The following ADAMTSL1 variants were observed in gnomAD, a reference collection of about 807,000 sequenced individuals.
The protein encoded by ADAMTSL1 is ADAMTS like 1, also known as ADAMTS-like protein 1.
Under a neutral mutation model 201.8 loss-of-function variants are expected in ADAMTSL1, and 126 were observed. The ratio of observed to expected loss-of-function variants is 0.62; its 90% CI spans 0.54 to 0.72. The LOEUF is 0.72. Ranked by LOEUF, ADAMTSL1 falls within the 30% of genes least tolerant of loss-of-function variation. The pLI, the probability that ADAMTSL1 is intolerant of heterozygous loss-of-function variation, is 0.00. For synonymous variants in ADAMTSL1, 1,121 were observed against 903.4 expected (o/e 1.24, Z -4.32); for missense variants, 2,679 against 2,277.8 (o/e 1.18, Z -3.59).
intron 3 of ADAMTSL1, among the ~76,000 whole-genome samples, chr9:18,543,150 A>T (rs1460868926): frequency 6.6e-6 from 1 of 152,260 alleles, no homozygotes; most frequent in Non-Finnish European, 1.5e-5. Flanking sequence ...GGGACAAATC[A>T]GTATCCACCA....
chr9:17,957,945 A>G (rs1827993892), intron 1 of ADAMTSL1, among the ~76,000 whole-genome samples: 1 of 152,192 alleles, frequency 6.6e-6, no homozygotes, highest in African/African-American at 2.4e-5. Context: ...TCTAGCCTCC[A>G]TGACTGGGAG....
intron 1 of ADAMTSL1, among the ~76,000 whole-genome samples, chr9:17,948,853 G>T (rs537552851): frequency 5.3e-5 from 8 of 152,302 alleles, no homozygotes; most frequent in African/African-American, 1.7e-4. Flanking sequence ...AACCAAGACT[G>T]TTTCTACCAG....
chr9:18,417,382 G>GAAAAAAAAAAAAAAAAAAAA (rs750731863), intron 2 of ADAMTSL1, among the ~76,000 whole-genome samples: 1 of 108,850 alleles, frequency 9.2e-6, no homozygotes, highest in African/African-American at 3.4e-5. Flanking sequence ...AAAAAAAAAA[G>GAAAAAAAAAAAAAAAAAAAA]AAAAAAAAAA....
intron 2 of ADAMTSL1, among the ~76,000 whole-genome samples, chr9:18,266,389 G>A (rs560932793): frequency 3.3e-5 from 5 of 152,106 alleles, no homozygotes; most frequent in East Asian, 1.9e-4. Flanking sequence ...TGAGTCAGTC[G>A]GCCAAGAGAA....
intron 16 of ADAMTSL1, among the ~76,000 whole-genome samples, chr9:18,766,416 G>A (rs2133693598): frequency 6.6e-6 from 1 of 152,296 alleles, no homozygotes; most frequent in South Asian, 2.1e-4. Context: ...ATGGTGTGGA[G>A]AATAGAGTGT....
chr9:18,173,909 C>T (rs1197418138), intron 2 of ADAMTSL1, among the ~76,000 whole-genome samples: 1 of 152,088 alleles, frequency 6.6e-6, no homozygotes, highest in Non-Finnish European at 1.5e-5. Context: ...TAGGCATGAA[C>T]TCCAACTTTT....
intron 3 of ADAMTSL1, among the ~76,000 whole-genome samples, chr9:18,536,586 T>C (rs1477594286): frequency 6.6e-6 from 1 of 152,168 alleles, no homozygotes; most frequent in East Asian, 1.9e-4. Flanking sequence ...CTTTCTTACT[T>C]TCTGTGTAGC....
intron 7 of ADAMTSL1, among the ~76,000 whole-genome samples, chr9:18,648,882 C>T (rs1434501331): frequency 2.6e-5 from 4 of 152,068 alleles, no homozygotes; most frequent in Admixed American, 1.3e-4. Context: ...TTGCTCTTCT[C>T]GAGGAGTACC....
chr9:18,829,867 T>C lies in ADAMTSL1; in HGVS notation c.4139T>C (p.Leu1380Ser), dbSNP rs775253070. ...ILDPPQVPTQ[L>S]EDIRALLAAT... is the part of the protein sequence containing the mutation. ...GATCCCCCCCAAGTCCCCACACAGT[T>C]GGAAGACATCAGGGCCTTGCTCGCT... is the stretch of plus-strand genomic sequence containing the variant. Residue 1380 changes from leucine (L) to serine (S), a missense_variant, in exon 23 of 29, where the codon TTG (leucine) becomes TCG (serine). Coordinates refer to ENST00000380548, the MANE Select transcript of ADAMTSL1 (RefSeq NM_001040272.6). The C allele has an allele frequency of 2.5e-5, 40 of 1,613,876 alleles. No individual in the cohort carries two copies. The highest frequency in any genetic ancestry group is 2.5e-6 in the Non-Finnish European group (3 of 1,179,892).
At chr9:17,933,006 C>G (rs573663074) in intron 1 of ADAMTSL1, among the ~76,000 whole-genome samples, 1 of 152,068 alleles carries the variant, frequency 6.6e-6, no homozygotes, top group East Asian at 1.9e-4. Flanking sequence ...TACAAAGTGC[C>G]CAGCCTGGCA....
At chr9:18,524,658 T>G (rs2132051864) in intron 2 of ADAMTSL1, among the ~76,000 whole-genome samples, 1 of 152,324 alleles carries the variant, frequency 6.6e-6, no homozygotes, top group Non-Finnish European at 1.5e-5. Context: ...GAAGGGGTGT[T>G]GAATTTTATT....
chr9:18,563,557 G>A (rs1300897944), intron 3 of ADAMTSL1, among the ~76,000 whole-genome samples: 2 of 152,214 alleles, frequency 1.3e-5, no homozygotes, highest in African/African-American at 2.4e-5. Context: ...GAGATCTGCT[G>A]TTCTCTTTAG....
At chr9:18,877,822 G>C (rs796560105) in intron 23 of ADAMTSL1, among the ~76,000 whole-genome samples, 47 of 152,276 alleles carry the variant, frequency 3.1e-4, no homozygotes, top group African/African-American at 1.0e-3. Flanking sequence ...GCAGTGGGCA[G>C]GGCCACAGAT....
intron 1 of ADAMTSL1, among the ~76,000 whole-genome samples, chr9:17,990,469 A>G (rs527337924): frequency 6.6e-6 from 1 of 152,024 alleles, no homozygotes; most frequent in East Asian, 1.9e-4. Flanking sequence ...GCCATGAACT[A>G]TTACTCCACA....
chr9:18,907,511 T>C (rs573806313), intron 28 of ADAMTSL1: 1 of 152,594 alleles, frequency 6.6e-6, no homozygotes, highest in South Asian at 2.1e-4. Flanking sequence ...TATTTTTTTC[T>C]TCCTCTGAAC....
chr9:18,161,285 CTATT>C (rs1196864266), intron 1 of ADAMTSL1, among the ~76,000 whole-genome samples: 2 of 151,900 alleles, frequency 1.3e-5, no homozygotes, highest in East Asian at 1.9e-4. Context: ...TCATTTTTGT[CTATT>C]TAATTGGTTT....
chr9:18,559,568 G>A (rs138752526), intron 3 of ADAMTSL1, among the ~76,000 whole-genome samples: 115 of 152,202 alleles, frequency 7.6e-4, no homozygotes, highest in African/African-American at 2.6e-3. Flanking sequence ...GCTTGATGGC[G>A]ATAGCATTGA....
intron 4 of ADAMTSL1, among the ~76,000 whole-genome samples, chr9:18,586,664 C>G (rs956847479): frequency 6.6e-6 from 1 of 152,068 alleles, no homozygotes; most frequent in African/African-American, 2.4e-5. Flanking sequence ...AAGAACAAAA[C>G]TGAATGCATC....
chr9:18,427,270 C>T (rs981063890), intron 2 of ADAMTSL1, among the ~76,000 whole-genome samples: 19 of 152,182 alleles, frequency 1.2e-4, no homozygotes, highest in African/African-American at 3.6e-4. Flanking sequence ...TTGTACTAAT[C>T]GACTTGCTGA....
Sources: gnomAD v4.1 joint callset for allele counts (sites outside exome capture counted in the v4.1 genomes callset) on GRCh38, gnomAD v4.1.1 for gene constraint, MANE v1.5 for transcripts, NCBI Gene and HGNC (gene_info 2026-07-23, HGNC 2026-07-21) for gene names.